The following IQCH variants were observed in gnomAD, a reference collection of about 807,000 sequenced individuals.
IQCH encodes the protein IQ motif containing H.
A neutral mutation model predicts 117.0 loss-of-function variants in IQCH; 98 were observed. That is an observed-to-expected ratio of 0.84 (90% CI 0.71 to 0.99). The LOEUF (loss-of-function observed/expected upper bound fraction) is 0.99, where lower values mean the gene tolerates loss of function less well. Ranked by LOEUF, IQCH falls within the 50% of genes least tolerant of loss-of-function variation. The probability of loss-of-function intolerance (pLI) is 0.00; values close to 1 mark genes in which losing one functional copy is unlikely to be tolerated. For missense variants in IQCH, 1,102 were observed against 1,243.8 expected, an observed-to-expected ratio of 0.89 and a Z score of 1.72; for synonymous variants, 412 against 448.2, an observed-to-expected ratio of 0.92 and a Z score of 1.02.
At chr15:67,442,981 G>C (rs2082315066) in intron 16 of IQCH, among the ~76,000 whole-genome samples, 2 of 151,776 alleles carry the variant, frequency 1.3e-5, no homozygotes, top group Non-Finnish European at 2.9e-5. Flanking sequence ...ACCTGGATGA[G>C]ACTGGAGACT....
chr15:67,368,743 G>T (rs771786691), intron 8 of IQCH, among the ~76,000 whole-genome samples: 3 of 152,150 alleles, frequency 2.0e-5, no homozygotes, highest in Non-Finnish European at 4.4e-5. Context: ...TTGCCACTAT[G>T]AGATCCTGCT....
chr15:67,323,792 G>A (rs1315050738), intron 4 of IQCH, among the ~76,000 whole-genome samples: 1 of 151,888 alleles, frequency 6.6e-6, no homozygotes, highest in African/African-American at 2.4e-5. Flanking sequence ...AATGCACACT[G>A]TATAATAATT....
At chr15:67,329,951 T>C (rs1053153777) in intron 4 of IQCH, among the ~76,000 whole-genome samples, 2 of 152,076 alleles carry the variant, frequency 1.3e-5, no homozygotes, top group Non-Finnish European at 2.9e-5. Flanking sequence ...AATACAACCA[T>C]AATTAACAGT....
At position 67,416,450 on chromosome 15, in the gene IQCH, G is replaced by A. The variant is rs2081579094; in HGVS notation, c.2098-481G>A. Among the ~76,000 whole-genome samples, 1 of 152,100 alleles carries A rather than the reference G, an allele frequency of 6.6e-6. No homozygotes were observed. The highest frequency in any genetic ancestry group is 1.5e-5 in the Non-Finnish European group (1 of 68,006). ...GAGAATCACTTGAACCCGGGAGGCA[G>A]AGGTTGCAGTGAGCCAAGATCACGC... On this transcript the variant is annotated intron_variant, in intron 14 of 20. Transcript: ENST00000335894. This position sits in a 1 kb window ranked among gnomAD's most constrained non-coding sequence, Gnocchi z 5.1.
intron 16 of IQCH, among the ~76,000 whole-genome samples, chr15:67,451,279 T>C (rs1460816481): frequency 6.6e-6 from 1 of 152,180 alleles, no homozygotes; most frequent in Non-Finnish European, 1.5e-5. Flanking sequence ...TTGAATGTGT[T>C]TGCTCTTGCT....
intron 16 of IQCH, among the ~76,000 whole-genome samples, chr15:67,448,962 C>G (rs1171059604): frequency 6.6e-6 from 1 of 152,102 alleles, no homozygotes; most frequent in East Asian, 1.9e-4. Flanking sequence ...ATTTGCATTT[C>G]TCTGATGGCC....
chr15:67,303,209 A>G (rs1269729769), intron 4 of IQCH, among the ~76,000 whole-genome samples: 1 of 152,136 alleles, frequency 6.6e-6, no homozygotes, highest in Non-Finnish European at 1.5e-5. Context: ...TTTTGACTCC[A>G]TTTTTATGAA....
intron 4 of IQCH, among the ~76,000 whole-genome samples, chr15:67,287,269 T>C (rs1966598686): frequency 6.6e-6 from 1 of 152,222 alleles, no homozygotes; most frequent in Non-Finnish European, 1.5e-5. Flanking sequence ...GGTATCAGGG[T>C]AATACTGGCC....
In IQCH at chr15:67,439,952, T is replaced by TA. The variant is rs528275079; in HGVS notation, c.2505+18379dup. Among the ~76,000 whole-genome samples, 34 of 128,398 alleles carry TA rather than the reference T, an allele frequency of 2.6e-4. No individual in the cohort carries two copies. The East Asian group carries it at 7.6e-3, about 29-fold the overall frequency. The allele number at this position is 128,398 out of a possible 152,430, so 84.2% of individuals were successfully genotyped here. A position where few individuals can be genotyped will look rare whatever the true frequency, so the allele number is the denominator to read the frequency against. ...AAAACTGGTTCTTTGAAAAGATAAA[T>TA]AAAATTGATAGACCATTAGCAAGAT... On this transcript the variant is annotated intron_variant, in intron 16 of 20. Transcript: ENST00000335894.
chr15:67,272,504 C>T (rs1047468485), intron 3 of IQCH, among the ~76,000 whole-genome samples: 5 of 152,024 alleles, frequency 3.3e-5, no homozygotes, highest in African/African-American at 1.2e-4. Context: ...ATGATCTGTC[C>T]CTTACTGAAA....
Position 67,254,909 on chromosome 15 carries a change from A to G in IQCH, c.13A>G (p.Thr5Ala), listed in dbSNP as rs780417908. 4.3e-6 allele frequency: 7 copies of G among 1,613,704 alleles called. No individual in the cohort carries two copies. The East Asian group carries it at 1.3e-4, about 31-fold the overall frequency. Residue 5 changes from threonine (T) to alanine (A), a missense_variant, in exon 1 of 21, where the codon ACT becomes GCT. Transcript: ENST00000335894. ...CCCTGACCTAGCCATGGCACAGAAC[A>G]CTGAAAACCACGACCCTGTCGGATC... MAQN[T>A]ENHDPVGSIL...
rs2081724773 is a variant in IQCH, at chr15:67,421,062, A to T, written c.2219-229A>T. 7.2e-6 allele frequency: 4 copies of T among 554,680 alleles called. No homozygotes were observed. In the South Asian group the frequency reaches 8.8e-5, roughly 12 times the overall value. The allele number at this position is 554,680 out of a possible 1,614,324, so 34.4% of individuals were successfully genotyped here. A position where few individuals can be genotyped will look rare whatever the true frequency, so the allele number is the denominator to read the frequency against. ...AAATTACCATTCATTGAGCCCTACA[A>T]TATACCAAGCGCTGGGCTGAATACT... On this transcript the variant is annotated intron_variant, in intron 15 of 20. Coordinates refer to ENST00000335894, the MANE Select transcript of IQCH (RefSeq NM_001031715.3).
At chr15:67,352,996 A>C (rs1251185058) in intron 6 of IQCH, among the ~76,000 whole-genome samples, 1 of 152,102 alleles carries the variant, frequency 6.6e-6, no homozygotes, top group Non-Finnish European at 1.5e-5. Flanking sequence ...AAATACAAAA[A>C]TTAGCCAGGC....
chr15:67,444,543 G>T (rs959321635), intron 16 of IQCH, among the ~76,000 whole-genome samples: 4 of 152,136 alleles, frequency 2.6e-5, no homozygotes, highest in African/African-American at 7.2e-5. Context: ...AGAGTTTAGG[G>T]CAACCACTTA....
intron 18 of IQCH, among the ~76,000 whole-genome samples, chr15:67,488,846 ATGCTTGC>A (rs1426687231): frequency 6.6e-6 from 1 of 152,030 alleles, no homozygotes; most frequent in Non-Finnish European, 1.5e-5. Context: ...TCTGGTGGTA[ATGCTTGC>A]TTGCCTGCTG....
chr15:67,380,845 CA>C (rs1970904393), intron 10 of IQCH, among the ~76,000 whole-genome samples: 1 of 152,152 alleles, frequency 6.6e-6, no homozygotes, highest in Non-Finnish European at 1.5e-5. Flanking sequence ...ACTATTCCTC[CA>C]GATCACCAAA....
intron 1 of IQCH, among the ~76,000 whole-genome samples, chr15:67,259,367 A>G (rs1388884954): frequency 2.0e-5 from 3 of 152,200 alleles, no homozygotes; most frequent in South Asian, 2.1e-4. Flanking sequence ...CCTCATTTTC[A>G]TTCAACAGTT....
rs1351996809 is a variant in IQCH, at chr15:67,390,545, G to A, written c.1632+1539G>A. Among the ~76,000 whole-genome samples, 1 of 152,136 alleles carries A rather than the reference G, an allele frequency of 6.6e-6. No homozygotes were observed. Among genetic ancestry groups the A allele is most frequent in the Admixed American group, 6.5e-5 (1 of 15,280 alleles). Reference sequence around the variant, plus strand: ...ACTCTGTTGCCCAGGCTGGAATGCAGTGGTGTGATCTCAGCTGACTGCAAC... The same window carrying A: ...ACTCTGTTGCCCAGGCTGGAATGCAATGGTGTGATCTCAGCTGACTGCAAC... On this transcript the variant is annotated intron_variant, in intron 12 of 20. Coordinates refer to ENST00000335894, the MANE Select transcript of IQCH (RefSeq NM_001031715.3). This position sits in a 1 kb window ranked among gnomAD's most constrained non-coding sequence, Gnocchi z 5.0.
intron 16 of IQCH, among the ~76,000 whole-genome samples, chr15:67,446,934 G>A (rs1211408536): frequency 1.3e-5 from 2 of 152,176 alleles, no homozygotes; most frequent in African/African-American, 4.8e-5. Flanking sequence ...CTGGCAATTG[G>A]GGGAGCTTCT....
Sources: gnomAD v4.1 joint callset for allele counts (sites outside exome capture counted in the v4.1 genomes callset) on GRCh38, gnomAD v4.1.1 for gene constraint, Gnocchi (gnomAD v3.1) non-coding constraint, MANE v1.5 for transcripts, NCBI Gene and HGNC (gene_info 2026-07-23, HGNC 2026-07-21) for gene names.